BAG4: variants seen among roughly 807,000 people sequenced by gnomAD.
The protein encoded by BAG4 is BAG family molecular chaperone regulator 4.
In BAG4, 28 loss-of-function variants were observed where a neutral mutation model predicts 52.1. That is an observed-to-expected ratio of 0.54 (90% CI 0.40 to 0.74). The LOEUF (loss-of-function observed/expected upper bound fraction) is 0.74. BAG4 is among the 30% of genes least tolerant of loss of function. BAG4 has a pLI of 0.00. For synonymous variants in BAG4, 208 were observed against 217.0 expected (o/e 0.96, Z 0.37); for missense variants, 525 against 572.0 (o/e 0.92, Z 0.84).
At position 38,177,075 on chromosome 8, in the gene BAG4, G is replaced by A. The variant is rs1585646812; in HGVS notation, c.206G>A (p.Gly69Asp). The change falls in exon 1 of 5, where the codon GGC becomes GAC. Residue 69 changes from glycine to aspartate, a missense_variant. Gly to Asp is a moderately conservative substitution (Grantham distance 94, BLOSUM62 -1). Around this residue, in one of 2 missense-constraint regions of BAG4, gnomAD observed 287 missense variants for 266.1 expected, o/e 1.08. Transcript: ENST00000287322. ...ETTWLGEGGG[G>D]DGYYPSGGAW... ...ACCTGGCTGGGAGAAGGCGGAGGAGGCGATGGCTACTATCCCTCGGGAGGC... is the reference window on the plus strand; with the variant it reads ...ACCTGGCTGGGAGAAGGCGGAGGAGACGATGGCTACTATCCCTCGGGAGGC... 1 of 1,612,202 alleles carries A rather than the reference G, an allele frequency of 6.2e-7. No homozygotes were observed.
chr8:38,192,739 A>C lies in BAG4; in HGVS notation c.322A>C (p.Arg108=). The C allele has an allele frequency of 6.2e-7, 1 of 1,613,758 alleles. No individual in the cohort carries two copies. The change falls in exon 2 of 5, where the codon AGA becomes CGA. Residue 108 remains arginine (R), a synonymous_variant. Transcript: ENST00000287322. ...TTCTAACTATTGGAATTCTACTGCG[A>C]GATCTAGGGCTCCTTACCCAAGTAC... ...YNSNYWNSTA[R]SRAPYPSTYP...
chr8:38,207,501 G>T lies in BAG4; in HGVS notation c.379-11G>T, dbSNP rs750845774. ...ATTCATCTTTTTTTCACTCAACTTG[G>T]TTTTTTTCAGAGTTTGAATTCTTAT... On this transcript the variant is annotated splice_polypyrimidine_tract_variant and intron_variant, in intron 2 of 4. Coordinates refer to ENST00000287322, the MANE Select transcript of BAG4 (RefSeq NM_004874.4). The T allele has an allele frequency of 1.9e-5, 30 of 1,602,984 alleles. No homozygotes were observed. The highest frequency in any genetic ancestry group is 1.1e-5 in the South Asian group (1 of 90,704).
chr8:38,207,522 C>T lies in BAG4; in HGVS notation c.389C>T (p.Ser130Phe). The T allele has an allele frequency of 6.2e-7, 1 of 1,609,834 alleles. No homozygotes were observed. The highest frequency in any genetic ancestry group is 8.5e-7 in the Non-Finnish European group (1 of 1,178,036). ...CTTGGTTTTTTTCAGAGTTTGAATT[C>T]TTATACAAATGGAGCGTATGGTCCA... is the stretch of plus-strand genomic sequence containing the variant. ...RPELQGQSLNSYTNGAYGPTY... is the reference protein window; with the variant it reads ...RPELQGQSLNFYTNGAYGPTY... The change falls in exon 3 of 5, where the codon TCT becomes TTT. Residue 130 changes from serine to phenylalanine, a missense_variant. Around this residue, in one of 2 missense-constraint regions of BAG4, gnomAD observed 287 missense variants for 266.1 expected, o/e 1.08. Coordinates refer to ENST00000287322, the MANE Select transcript of BAG4 (RefSeq NM_004874.4).
intron 1 of BAG4, among the ~76,000 whole-genome samples, chr8:38,189,385 C>T (rs192021898): frequency 5.9e-4 from 90 of 152,270 alleles, no homozygotes; most frequent in African/African-American, 2.0e-3. Flanking sequence ...ATAAATTCCA[C>T]TGAGGACGTA....
chr8:38,191,720 A>G (rs1803476836), intron 1 of BAG4, among the ~76,000 whole-genome samples: 2 of 142,936 alleles, frequency 1.4e-5, no homozygotes, highest in South Asian at 4.8e-4. Flanking sequence ...AGATCGTGCC[A>G]TTGCACTCCA....
chr8:38,207,867 C>T (rs573573613), intron 3 of BAG4, 101 bp downstream of exon 3: 1,058 of 1,388,598 alleles, frequency 7.6e-4, no homozygotes, highest in Admixed American at 1.1e-3. Context: ...TAATAAGACA[C>T]TTCTAGATTG....
In BAG4 at chr8:38,194,330, G is replaced by A. The variant is rs572242238; in HGVS notation, c.378+1535G>A. 1.0e-3 allele frequency among the ~76,000 whole-genome samples: 151 copies of A among 148,604 alleles called. 2 individuals carry two copies. Among genetic ancestry groups the A allele is most frequent in the African/African-American group, 3.6e-3 (145 of 40,150 alleles). On this transcript the variant is annotated intron_variant, in intron 2 of 4. Transcript: ENST00000287322. ...CTGCAGCTTGCTTCTTTTGCTCATC[G>A]TTGGTTTTCATCTTTCTGTTATATA...
chr8:38,207,712 T>C lies in BAG4; in HGVS notation c.579T>C (p.Cys193=). The change falls in exon 3 of 5, where the codon TGT becomes TGC. Residue 193 remains cysteine (C), a synonymous_variant. Transcript: ENST00000287322. ...VSRWIYPQQD[C]QTEAPPLRGQ... ...GTTGGATCTATCCCCAGCAGGACTGTCAGACTGAAGCACCCCCTCTTAGGG... is the reference window on the plus strand; with the variant it reads ...GTTGGATCTATCCCCAGCAGGACTGCCAGACTGAAGCACCCCCTCTTAGGG... The C allele has an allele frequency of 6.2e-7, 1 of 1,614,156 alleles. No individual in the cohort carries two copies. Among genetic ancestry groups the C allele is most frequent in the Non-Finnish European group, 8.5e-7 (1 of 1,180,020 alleles).
intron 1 of BAG4, among the ~76,000 whole-genome samples, chr8:38,192,044 A>G (rs1446289957): frequency 1.3e-5 from 2 of 152,226 alleles, no homozygotes; most frequent in Non-Finnish European, 2.9e-5. Flanking sequence ...AAGCTTAGCC[A>G]TAGCACAGAG....
At chr8:38,193,576 A>T (rs1355016636) in intron 2 of BAG4, among the ~76,000 whole-genome samples, 2 of 151,730 alleles carry the variant, frequency 1.3e-5, no homozygotes, top group Non-Finnish European at 2.9e-5. Flanking sequence ...TTATTTATTT[A>T]TTTATTTGAA....
chr8:38,198,167 G>C (rs533555187), intron 2 of BAG4, among the ~76,000 whole-genome samples: 1 of 151,670 alleles, frequency 6.6e-6, no homozygotes, highest in Non-Finnish European at 1.5e-5. Flanking sequence ...GGCAGATCAC[G>C]AGGTCAGGAA....
rs1288739841 is a variant in BAG4 at position 38,209,050 on chromosome 8, A to T, written c.671A>T (p.Asp224Val). The part of the protein sequence containing the change: ...GMTLPHYPYG[D>V]GNRSVPQSGP... Reference sequence around the variant, plus strand: ...ACCCTGCCCCATTATCCTTATGGAGATGGTAATCGTAGTGTTCCACAATCA... The same window carrying T: ...ACCCTGCCCCATTATCCTTATGGAGTTGGTAATCGTAGTGTTCCACAATCA... The change falls in exon 4 of 5, where the codon GAT becomes GTT. Residue 224 changes from aspartate to valine, a missense_variant. This residue lies in a region of BAG4 where 238 missense variants were observed against 305.8 expected (regional missense o/e 0.78). Transcript: ENST00000287322. 11 of 1,614,120 alleles carry T rather than the reference A, an allele frequency of 6.8e-6. No individual in the cohort carries two copies. Among genetic ancestry groups the T allele is most frequent in the Non-Finnish European group, 8.5e-6 (10 of 1,180,024 alleles).
At chr8:38,184,981 C>T (rs891255713) in intron 1 of BAG4, among the ~76,000 whole-genome samples, 26 of 151,334 alleles carry the variant, frequency 1.7e-4, no homozygotes, top group Non-Finnish European at 3.1e-4. Context: ...CCCAGCTACT[C>T]GGGAGGCTGA....
chr8:38,191,418 A>G (rs1312172365), intron 1 of BAG4, among the ~76,000 whole-genome samples: 2 of 152,224 alleles, frequency 1.3e-5, no homozygotes, highest in African/African-American at 4.8e-5. Context: ...TTGTGAAATC[A>G]TATTCAAAGT....
chr8:38,179,307 C>T (rs1294682249), intron 1 of BAG4, among the ~76,000 whole-genome samples: 1 of 152,054 alleles, frequency 6.6e-6, no homozygotes, highest in East Asian at 2.0e-4. Context: ...CAGGCGCCTG[C>T]CACCATGCCC....
At chr8:38,207,104 C>T (rs1205519168) in intron 2 of BAG4, among the ~76,000 whole-genome samples, 1 of 152,054 alleles carries the variant, frequency 6.6e-6, no homozygotes, top group African/African-American at 2.4e-5. Context: ...AGGCGCCTGC[C>T]ACCATGCCCG....
chr8:38,212,847 A>G lies in BAG4; in HGVS notation c.*2354A>G, dbSNP rs1803886216. 6.6e-6 allele frequency: 1 copy of G among 152,188 alleles called. No individual in the cohort carries two copies. The highest frequency in any genetic ancestry group is 2.4e-5 in the African/African-American group (1 of 41,444). 9.4% of individuals were successfully genotyped at this position (152,188 alleles called of 1,614,324 possible). The stretch of plus-strand genomic sequence containing the variant: ...TAAACTTTTGCTCATTTTACTATCC[A>G]TTGGCAGATCTTGCTTGTGGCAGTT... On this transcript the variant is annotated 3_prime_UTR_variant, in exon 5 of 5. Coordinates refer to ENST00000287322, the MANE Select transcript of BAG4 (RefSeq NM_004874.4).
intron 2 of BAG4, among the ~76,000 whole-genome samples, chr8:38,195,654 A>G (rs1337422542): frequency 6.6e-6 from 1 of 152,172 alleles, no homozygotes; most frequent in Non-Finnish European, 1.5e-5. Context: ...AATGTAAAAT[A>G]AAGATCATGT....
chr8:38,180,522 C>CAAAAAAAAAA lies in BAG4; in HGVS notation c.270+3400_270+3409dup, dbSNP rs1161178024. On this transcript the variant is annotated intron_variant, in intron 1 of 4. Coordinates refer to ENST00000287322, the MANE Select transcript of BAG4 (RefSeq NM_004874.4). The stretch of plus-strand genomic sequence containing the variant: ...TGGGCAGCAAAGCGAGACTCCGTCT[C>CAAAAAAAAAA]AAAAAAAAAAAAAAAAAAAAAAAAA... Among the ~76,000 whole-genome samples, 81 of 26,494 alleles carry CAAAAAAAAAA rather than the reference C, an allele frequency of 3.1e-3. 5 individuals carry two copies. The highest frequency in any genetic ancestry group is 7.0e-3 in the African/African-American group (52 of 7,396). The allele number at this position is 26,494 out of a possible 152,430, so 17.4% of individuals were successfully genotyped here. A position where few individuals can be genotyped will look rare whatever the true frequency, so the allele number is the denominator to read the frequency against.
Sources: gnomAD v4.1 joint callset for allele counts (sites outside exome capture counted in the v4.1 genomes callset) on GRCh38, gnomAD v4.1.1 for gene constraint, gnomAD v4.1.1 regional missense constraint, MANE v1.5 for transcripts, NCBI Gene and HGNC (gene_info 2026-07-23, HGNC 2026-07-21) for gene names.